The following ASB4 variants were observed in gnomAD, a reference collection of about 807,000 sequenced individuals.
The protein encoded by ASB4 is ankyrin repeat and SOCS box protein 4.
ASB4 carries 35 observed loss-of-function variants against 38.6 expected under a neutral mutation model. That is an observed-to-expected ratio of 0.91 (90% CI 0.69 to 1.20). ASB4 has a LOEUF of 1.20. ASB4 is among the 50% of genes most tolerant of loss of function. The pLI is 0.00. For synonymous variants in ASB4, 195 were observed against 201.3 expected (o/e 0.97, Z 0.26); for missense variants, 557 against 527.2 (o/e 1.06, Z -0.55).
chr7:95,524,354 G>C (rs1429800976), intron 2 of ASB4, among the ~76,000 whole-genome samples: 1 of 152,206 alleles, frequency 6.6e-6, no homozygotes, highest in East Asian at 1.9e-4. Context: ...AATATTGAGT[G>C]AAAGAAGCAA....
chr7:95,526,906 A>C (rs576433417), intron 2 of ASB4, among the ~76,000 whole-genome samples: 10 of 152,306 alleles, frequency 6.6e-5, no homozygotes, highest in African/African-American at 1.9e-4. Context: ...TCTTGAGTTG[A>C]CCACTCTCAC....
chr7:95,519,793 G>C (rs1790634907), intron 2 of ASB4, among the ~76,000 whole-genome samples: 1 of 152,030 alleles, frequency 6.6e-6, no homozygotes, highest in African/African-American at 2.4e-5. Context: ...GATTTACTAT[G>C]TTTTAAGTCA....
chr7:95,495,360 C>T (rs1162698287), intron 1 of ASB4, among the ~76,000 whole-genome samples: 1 of 152,158 alleles, frequency 6.6e-6, no homozygotes, highest in East Asian at 1.9e-4. Flanking sequence ...AAGACAAACT[C>T]TCAATGATTG....
Position 95,495,821 on chromosome 7 carries a change from T to G in ASB4, c.251T>G (p.Leu84Trp), listed in dbSNP as rs570326706. ...GCCACAGGCCTCCATCTCTCTGTCT[T>G]GTTTGGCCATGTGGAATGTCTTCTG... Reference protein sequence around the residue: ...SWATGLHLSVLFGHVECLLVL... With the variant: ...SWATGLHLSVWFGHVECLLVL... The change falls in exon 2 of 5, where the codon TTG becomes TGG. Residue 84 changes from leucine (L) to tryptophan (W), a missense_variant. Transcript: ENST00000325885. 2.5e-6 allele frequency: 4 copies of G among 1,613,970 alleles called. No homozygotes were observed. The African/African-American group carries it at 5.3e-5, about 22-fold the overall frequency.
chr7:95,531,442 A>C (rs1190020115), intron 3 of ASB4, among the ~76,000 whole-genome samples: 2 of 152,254 alleles, frequency 1.3e-5, no homozygotes, highest in African/African-American at 2.4e-5. Flanking sequence ...TGAAGGTGCC[A>C]GAGAAACATA....
intron 2 of ASB4, among the ~76,000 whole-genome samples, chr7:95,501,463 G>A (rs937474154): frequency 1.3e-5 from 2 of 152,180 alleles, no homozygotes; most frequent in Admixed American, 1.3e-4. Flanking sequence ...GACAGACGCT[G>A]CTCTTACCAC....
chr7:95,537,489 G>C, intron 4 of ASB4, 82 bp from the exon 5 acceptor site: 1 of 1,240,584 alleles, frequency 8.1e-7, no homozygotes, highest in Non-Finnish European at 1.1e-6. Flanking sequence ...TACGTATAGA[G>C]GTTAGTTGCA....
chr7:95,514,059 T>C (rs866736691), intron 2 of ASB4, among the ~76,000 whole-genome samples: 34 of 152,228 alleles, frequency 2.2e-4, no homozygotes, highest in African/African-American at 7.5e-4. Flanking sequence ...TCCTTGGTCC[T>C]TTATGGCTCT....
intron 2 of ASB4, among the ~76,000 whole-genome samples, chr7:95,521,505 A>T (rs1585814002): frequency 6.6e-6 from 1 of 152,228 alleles, no homozygotes; most frequent in African/African-American, 2.4e-5. Flanking sequence ...AATATAATTT[A>T]ATATGGTTGA....
intron 4 of ASB4, 147 bp downstream of exon 4, chr7:95,536,697 C>A: frequency 5.6e-6 from 3 of 533,430 alleles, no homozygotes; most frequent in Non-Finnish European, 1.0e-5. Flanking sequence ...TTATAAAATG[C>A]AGGTTTGAGA....
intron 2 of ASB4, among the ~76,000 whole-genome samples, chr7:95,516,768 C>A (rs1790589562): frequency 6.6e-6 from 1 of 152,194 alleles, no homozygotes; most frequent in Non-Finnish European, 1.5e-5. Context: ...TTTGTTCAGT[C>A]TTATTTGCTG....
At chr7:95,505,696 C>CCG (rs1554348182) in intron 2 of ASB4, among the ~76,000 whole-genome samples, 8 of 144,056 alleles carry the variant, frequency 5.6e-5, no homozygotes, top group African/African-American at 2.0e-4. Flanking sequence ...TCCCCCCCCC[C>CCG]CCAAATACTT....
intron 2 of ASB4, among the ~76,000 whole-genome samples, chr7:95,497,261 C>A (rs755367793): frequency 1.3e-5 from 2 of 152,042 alleles, no homozygotes; most frequent in Non-Finnish European, 2.9e-5. Flanking sequence ...AGCAGGGAGA[C>A]CAGTAGGGAA....
the ASB4 span, among the ~76,000 whole-genome samples, chr7:95,548,574 ACC>A: frequency 6.6e-6 from 1 of 152,164 alleles, no homozygotes; most frequent in South Asian, 2.1e-4. Flanking sequence ...CATAGTCAAC[ACC>A]CCACAGTTGG....
intron 1 of ASB4, 72 bp downstream of exon 1, chr7:95,486,230 A>G: frequency 8.8e-7 from 1 of 1,142,250 alleles, no homozygotes; most frequent in Non-Finnish European, 1.2e-6. Context: ...TCAGTTATCC[A>G]CTCTAAACAG....
intron 2 of ASB4, among the ~76,000 whole-genome samples, chr7:95,526,137 G>A (rs1183920378): frequency 1.3e-5 from 2 of 152,162 alleles, no homozygotes; most frequent in African/African-American, 2.4e-5. Context: ...AAAGTAATAT[G>A]AGGTGGAATA....
intron 2 of ASB4, among the ~76,000 whole-genome samples, chr7:95,522,396 A>T (rs1054949528): frequency 1.3e-4 from 18 of 141,996 alleles, no homozygotes; most frequent in African/African-American, 4.5e-4. Context: ...ACATGGGCTT[A>T]AGCAAATAAT....
At chr7:95,533,548 A>G (rs1790847756) in intron 3 of ASB4, among the ~76,000 whole-genome samples, 2 of 152,172 alleles carry the variant, frequency 1.3e-5, no homozygotes, top group Non-Finnish European at 2.9e-5. Flanking sequence ...ATCTGTCTTC[A>G]TCTCTTGATC....
At chr7:95,515,213 CTTT>C (rs1562816993) in intron 2 of ASB4, among the ~76,000 whole-genome samples, 3 of 122,920 alleles carry the variant, frequency 2.4e-5, no homozygotes, top group Non-Finnish European at 5.0e-5. Context: ...TTCTTTCTTT[CTTT>C]CTTTCTTTCT....
Sources: gnomAD v4.1 joint callset for allele counts (sites outside exome capture counted in the v4.1 genomes callset) on GRCh38, gnomAD v4.1.1 for gene constraint, MANE v1.5 for transcripts, NCBI Gene and HGNC (gene_info 2026-07-23, HGNC 2026-07-21) for gene names.